The following CALN1 variants were observed in gnomAD, a reference collection of about 807,000 sequenced individuals.
The protein encoded by CALN1 is calneuron 1, also known as calcium-binding protein 8.
In CALN1, 17 loss-of-function variants were observed where a neutral mutation model predicts 30.6. The ratio of observed to expected loss-of-function variants is 0.56; its 90% CI spans 0.38 to 0.83. The LOEUF is 0.83. Ranked by LOEUF, CALN1 falls within the 40% of genes least tolerant of loss-of-function variation. The probability of loss-of-function intolerance (pLI) is 0.00; values close to 1 mark genes in which losing one functional copy is unlikely to be tolerated. For synonymous variants in CALN1, 156 were observed against 131.4 expected, an observed-to-expected ratio of 1.19 and a Z score of -1.28; for missense variants, 291 against 354.9, an observed-to-expected ratio of 0.82 and a Z score of 1.45.
chr7:72,061,631 T>C (rs1039959970), intron 4 of CALN1, among the ~76,000 whole-genome samples: 1 of 151,350 alleles, frequency 6.6e-6, no homozygotes, highest in African/African-American at 2.4e-5. Flanking sequence ...AAAATGTGAG[T>C]CTTTCTCCTC....
At chr7:72,164,229 A>C (rs1232995237) in intron 3 of CALN1, among the ~76,000 whole-genome samples, 1 of 151,802 alleles carries the variant, frequency 6.6e-6, no homozygotes, top group Non-Finnish European at 1.5e-5. Flanking sequence ...TTAGCCGGGC[A>C]TGGTGGCACA....
At chr7:72,394,650 G>A (rs1805798190) in intron 2 of CALN1, among the ~76,000 whole-genome samples, 1 of 133,494 alleles carries the variant, frequency 7.5e-6, no homozygotes, top group Admixed American at 8.8e-5. Flanking sequence ...ACAACTTCAG[G>A]GGTACCATTG....
chr7:72,192,797 T>TC (rs1790713132), intron 3 of CALN1, among the ~76,000 whole-genome samples: 1 of 77,752 alleles, frequency 1.3e-5, no homozygotes, highest in Non-Finnish European at 2.4e-5. Context: ...ATGCTATCCC[T>TC]CCCCCCTCCC....
chr7:72,285,747 G>C (rs560967356), intron 2 of CALN1, among the ~76,000 whole-genome samples: 1 of 152,212 alleles, frequency 6.6e-6, no homozygotes, highest in East Asian at 1.9e-4. Flanking sequence ...CTTTTTCAAA[G>C]AGCTTAAGAT....
chr7:72,200,024 A>G (rs1791312449), intron 3 of CALN1, among the ~76,000 whole-genome samples: 1 of 152,186 alleles, frequency 6.6e-6, no homozygotes, highest in African/African-American at 2.4e-5. Flanking sequence ...TCAATCTTCA[A>G]AGAAGAAATG....
chr7:71,881,266 CT>C (rs1459754791), intron 5 of CALN1, among the ~76,000 whole-genome samples: 1 of 150,866 alleles, frequency 6.6e-6, no homozygotes, highest in Non-Finnish European at 1.5e-5. Context: ...CTGGGACTGG[CT>C]TCCTTGCTCC....
At chr7:71,810,221 T>C in intron 6 of CALN1, 115 bp downstream of exon 6, 1 of 1,137,012 alleles carries the variant, frequency 8.8e-7, no homozygotes. Context: ...ATTTTTGGCT[T>C]CAGTACAAGG....
chr7:72,390,284 A>G, intron 2 of CALN1, among the ~76,000 whole-genome samples: 1 of 151,974 alleles, frequency 6.6e-6, no homozygotes. Flanking sequence ...CAAAAAAATT[A>G]GCGGGGCATG....
At chr7:72,324,355 T>C (rs959400538) in intron 2 of CALN1, among the ~76,000 whole-genome samples, 1 of 152,018 alleles carries the variant, frequency 6.6e-6, no homozygotes, top group African/African-American at 2.4e-5. Context: ...CTGATAACCA[T>C]CCTTTTCCAA....
intron 6 of CALN1, among the ~76,000 whole-genome samples, chr7:71,803,331 GA>G (rs1562793055): frequency 6.6e-6 from 1 of 152,146 alleles, no homozygotes; most frequent in Non-Finnish European, 1.5e-5. Flanking sequence ...GTCGACTGCA[GA>G]CCCCTGAGCT....
At chr7:72,502,196 G>A in the CALN1 span, among the ~76,000 whole-genome samples, 1 of 149,238 alleles carries the variant, frequency 6.7e-6, no homozygotes. Context: ...TAGGAGGGAC[G>A]AGGTCAGAAT....
chr7:72,342,819 G>C (rs573889058), intron 2 of CALN1, among the ~76,000 whole-genome samples: 36 of 151,804 alleles, frequency 2.4e-4, no homozygotes, highest in Non-Finnish European at 4.7e-4. Context: ...GTGATGAAAA[G>C]ATTCATTGCA....
At chr7:72,151,023 C>T (rs980628873) in intron 3 of CALN1, among the ~76,000 whole-genome samples, 6 of 152,098 alleles carry the variant, frequency 3.9e-5, no homozygotes, top group African/African-American at 9.7e-5. Context: ...ACTGCCTTCC[C>T]GTCCTTGCTA....
chr7:71,855,688 G>C (rs913071527), intron 5 of CALN1, among the ~76,000 whole-genome samples: 19 of 152,146 alleles, frequency 1.2e-4, no homozygotes, highest in African/African-American at 4.6e-4. Flanking sequence ...TCTTGCTGTA[G>C]CTTTGGTGAT....
chr7:71,992,174 G>A (rs1024797690), intron 5 of CALN1, among the ~76,000 whole-genome samples: 3 of 152,158 alleles, frequency 2.0e-5, no homozygotes, highest in African/African-American at 7.2e-5. Flanking sequence ...CATTGTCTAA[G>A]ATGGAATGTT....
At chr7:72,392,421 T>G (rs1050179051) in intron 2 of CALN1, among the ~76,000 whole-genome samples, 1 of 152,200 alleles carries the variant, frequency 6.6e-6, no homozygotes, top group Admixed American at 6.5e-5. Flanking sequence ...AAGAGGCTCC[T>G]GTACGGCCAC....
chr7:71,918,203 CAT>C lies in CALN1; in HGVS notation c.501+105452_501+105453del, dbSNP rs373852262. On this transcript the variant is annotated intron_variant, in intron 5 of 6. Transcript: ENST00000395275. ...GGAACATTAAAACACTGTACACACA[CAT>C]GTGTGCTGCCTGGCTGAATTACTTT... Among the ~76,000 whole-genome samples the C allele has an allele frequency of 7.4e-4, 112 of 152,340 alleles. 1 individual carries two copies. The highest frequency in any genetic ancestry group is 2.4e-3 in the African/African-American group (100 of 41,588).
At chr7:71,849,965 T>C (rs1263535481) in intron 5 of CALN1, among the ~76,000 whole-genome samples, 8 of 152,138 alleles carry the variant, frequency 5.3e-5, no homozygotes, top group Non-Finnish European at 1.5e-5. Context: ...GATATGACAA[T>C]GTCTATTAAA....
intron 3 of CALN1, among the ~76,000 whole-genome samples, chr7:72,217,087 A>G (rs192496388): frequency 6.6e-6 from 1 of 152,290 alleles, no homozygotes; most frequent in Non-Finnish European, 1.5e-5. Context: ...TTAAGAGGCA[A>G]TAGAGAAAAT....
Sources: gnomAD v4.1 joint callset for allele counts (sites outside exome capture counted in the v4.1 genomes callset) on GRCh38, gnomAD v4.1.1 for gene constraint, MANE v1.5 for transcripts, NCBI Gene and HGNC (gene_info 2026-07-23, HGNC 2026-07-21) for gene names.